The following KDM1B variants were observed in gnomAD, a reference collection of about 807,000 sequenced individuals.
KDM1B encodes lysine-specific histone demethylase 2.
Under a neutral mutation model 107.4 loss-of-function variants are expected in KDM1B, and 63 were observed. The observed-to-expected ratio is 0.59, with a 90% CI of 0.48 to 0.72. The LOEUF is 0.72. KDM1B is among the 30% of genes least tolerant of loss of function. The pLI is 0.00. For missense variants in KDM1B, 749 were observed against 1,020.8 expected, an observed-to-expected ratio of 0.73 and a Z score of 3.63; for synonymous variants, 363 against 363.9, an observed-to-expected ratio of 1.00 and a Z score of 0.03.
rs1463379877 is a variant in KDM1B, at chr6:18,191,183, G to A, written c.785-14G>A. On this transcript the variant is annotated splice_polypyrimidine_tract_variant and intron_variant, in intron 9 of 21. Coordinates refer to ENST00000650836, the MANE Select transcript of KDM1B (RefSeq NM_001364614.2). This position sits in a 1 kb window ranked among gnomAD's most constrained non-coding sequence, Gnocchi z 5.1. ...TACAGCTTGTAGGAGTTGCCCATTT[G>A]TGTTACCTATCAGTTCCAGGCATGA... 3.2e-6 allele frequency: 5 copies of A among 1,547,968 alleles called. No individual in the cohort carries two copies. The highest frequency in any genetic ancestry group is 1.4e-5 in the African/African-American group (1 of 72,938).
intron 3 of KDM1B, among the ~76,000 whole-genome samples, chr6:18,160,390 G>GA (rs1554140035): frequency 6.6e-6 from 1 of 152,066 alleles, no homozygotes; most frequent in Non-Finnish European, 1.5e-5. Context: ...TCTTTTAAAA[G>GA]AAAAAATTGA....
At chr6:18,173,510 A>G (rs1785798304) in intron 7 of KDM1B, among the ~76,000 whole-genome samples, 1 of 152,010 alleles carries the variant, frequency 6.6e-6, no homozygotes, top group South Asian at 2.1e-4. Context: ...TTTGAAGTGT[A>G]GTTTATTCAC....
intron 7 of KDM1B, among the ~76,000 whole-genome samples, chr6:18,174,017 C>G (rs1409147395): frequency 6.6e-6 from 1 of 152,190 alleles, no homozygotes; most frequent in East Asian, 1.9e-4. Context: ...GACTCCTGAC[C>G]TCGTGATCCA....
intron 4 of KDM1B, among the ~76,000 whole-genome samples, 170 bp downstream of exon 4, chr6:18,161,624 A>G (rs552598250): frequency 6.6e-6 from 1 of 152,158 alleles, no homozygotes; most frequent in African/African-American, 2.4e-5. Context: ...ACCCTCCTCA[A>G]GGCCCTCCCT....
At position 18,223,686 on chromosome 6, in the gene KDM1B, T is replaced by A. The variant is rs1434412313; in HGVS notation, c.*1694T>A. 1 of 152,224 alleles carries A rather than the reference T, an allele frequency of 6.6e-6. No homozygotes were observed. The highest frequency in any genetic ancestry group is 1.5e-5 in the Non-Finnish European group (1 of 68,034). The allele number at this position is 152,224 out of a possible 1,614,324, so 9.4% of individuals were successfully genotyped here. A position where few individuals can be genotyped will look rare whatever the true frequency, so the allele number is the denominator to read the frequency against. On this transcript the variant is annotated 3_prime_UTR_variant, in exon 22 of 22. Transcript: ENST00000650836. ...GACATACTTCATTTGATTTTTTGTT[T>A]AAGAAGCCATGGTACTTTTTTCTTG...
chr6:18,177,785 T>C (rs1786125344), intron 7 of KDM1B, among the ~76,000 whole-genome samples: 1 of 152,122 alleles, frequency 6.6e-6, no homozygotes, highest in South Asian at 2.1e-4. Flanking sequence ...ACACCTGTTT[T>C]GTAAATAAAG....
intron 20 of KDM1B, 71 bp from the exon 21 acceptor site, chr6:18,217,662 A>G (rs1413726187): frequency 6.1e-5 from 81 of 1,333,698 alleles, no homozygotes; most frequent in East Asian, 2.3e-4. Flanking sequence ...GACTACAGGC[A>G]TGAGTCACTG....
chr6:18,163,786 C>G (rs1377670605), intron 5 of KDM1B, among the ~76,000 whole-genome samples: 1 of 152,094 alleles, frequency 6.6e-6, no homozygotes, highest in African/African-American at 2.4e-5. Context: ...TGAGAATATA[C>G]TTTGTATGAT....
rs1227034690 is a variant in KDM1B, at chr6:18,187,777, T to C, written c.574-15T>C. On this transcript the variant is annotated splice_polypyrimidine_tract_variant and intron_variant, in intron 8 of 21. Coordinates refer to ENST00000650836, the MANE Select transcript of KDM1B (RefSeq NM_001364614.2). The stretch of plus-strand genomic sequence containing the variant: ...TCTGTCCTTGTCTCTCTTCTTCCTG[T>C]CTGGCCCATTGCAGAGAGTATTGGA... 6.7e-7 allele frequency: 1 copy of C among 1,502,166 alleles called. No individual in the cohort carries two copies. Among genetic ancestry groups the C allele is most frequent in the East Asian group, 2.5e-5 (1 of 40,690 alleles). 93.1% of individuals were successfully genotyped at this position (1,502,166 alleles called of 1,614,324 possible). A position where few individuals can be genotyped will look rare whatever the true frequency, so the allele number is the denominator to read the frequency against.
rs1029416311 is a variant in KDM1B, at chr6:18,197,407, T to G, written c.1146+174T>G. Among the ~76,000 whole-genome samples the G allele has an allele frequency of 3.3e-5, 5 of 152,142 alleles. No homozygotes were observed. The highest frequency in any genetic ancestry group is 9.7e-5 in the African/African-American group (4 of 41,448). ...GAATATCAAGCACTCTTTCCCCAGA[T>G]TGTAGGGAAAAAGGGAAGGGAGTAA... On this transcript the variant is annotated intron_variant, in intron 11 of 21. Transcript: ENST00000650836. The surrounding 1 kb of genome is among the most constrained non-coding windows in gnomAD (Gnocchi z 4.5).
intron 2 of KDM1B, among the ~76,000 whole-genome samples, chr6:18,156,133 G>A (rs1168684854): frequency 6.6e-6 from 1 of 152,196 alleles, no homozygotes. Flanking sequence ...GCACAGCCTT[G>A]CAGGTGTTGT....
intron 7 of KDM1B, among the ~76,000 whole-genome samples, chr6:18,175,082 G>T (rs1487480884): frequency 6.6e-6 from 1 of 152,138 alleles, no homozygotes; most frequent in Non-Finnish European, 1.5e-5. Context: ...CATAGTGGCT[G>T]TACTAGTTTA....
Position 18,189,219 on chromosome 6 carries a change from G to T in KDM1B, c.784+1217G>T, listed in dbSNP as rs749582965. Among the ~76,000 whole-genome samples the T allele has an allele frequency of 6.8e-4, 103 of 152,092 alleles. 3 individuals are homozygous for T. The highest frequency in any genetic ancestry group is 1.5e-4 in the Non-Finnish European group (10 of 68,034). On this transcript the variant is annotated intron_variant, in intron 9 of 21. Coordinates refer to ENST00000650836, the MANE Select transcript of KDM1B (RefSeq NM_001364614.2). ...TATGCAAATAGATTTTTGCACTGTG[G>T]TCCTATCTTAAGGTTTTGTTGTTGT...
At chr6:18,220,094 C>T (rs945416021) in intron 21 of KDM1B, among the ~76,000 whole-genome samples, 1 of 152,186 alleles carries the variant, frequency 6.6e-6, no homozygotes, top group African/African-American at 2.4e-5. Context: ...TCTAAGGATT[C>T]TCTGGGATGA....
chr6:18,203,570 G>A lies in KDM1B; in HGVS notation c.1531+1913G>A, dbSNP rs370743938. Among the ~76,000 whole-genome samples, 9 of 152,252 alleles carry A rather than the reference G, an allele frequency of 5.9e-5. No individual in the cohort carries two copies. Among genetic ancestry groups the A allele is most frequent in the Admixed American group, 3.9e-4 (6 of 15,304 alleles). On this transcript the variant is annotated intron_variant, in intron 14 of 21. Transcript: ENST00000650836. This position sits in a 1 kb window ranked among gnomAD's most constrained non-coding sequence, Gnocchi z 5.5. ...ATATTATTTACATAAAAATCACACT[G>A]TGCTGGGCGCGGTGGCTAACGCCTG...
At chr6:18,173,090 CAA>C (rs70974708) in intron 7 of KDM1B, among the ~76,000 whole-genome samples, 68 of 126,386 alleles carry the variant, frequency 5.4e-4, no homozygotes, top group Admixed American at 7.9e-4. Context: ...AACTCCATCT[CAA>C]AAAAAAAAAA....
intron 6 of KDM1B, among the ~76,000 whole-genome samples, chr6:18,170,240 C>T (rs947582679): frequency 1.3e-5 from 2 of 152,108 alleles, no homozygotes; most frequent in African/African-American, 2.4e-5. Flanking sequence ...TAAGATAGTA[C>T]AGAGAGTTTC....
chr6:18,215,046 G>A lies in KDM1B; in HGVS notation c.2149G>A (p.Ala717Thr). The stretch of plus-strand genomic sequence containing the variant: ...GCTGATGTCTGTGATTGCCGGGGAG[G>A]CTGTCGCATCCGTGAGGACCCTGGA... ...SVLMSVIAGE[A>T]VASVRTLDDK... The change falls in exon 20 of 22, where the codon GCT (alanine) becomes ACT (threonine). Residue 717 changes from alanine to threonine, a missense_variant. Transcript: ENST00000650836. 6.2e-7 allele frequency: 1 copy of A among 1,614,060 alleles called. No individual in the cohort carries two copies. The highest frequency in any genetic ancestry group is 8.5e-7 in the Non-Finnish European group (1 of 1,179,982).
At chr6:18,198,637 CAAAAAAAA>C (rs762849198) in intron 12 of KDM1B, among the ~76,000 whole-genome samples, 9 of 69,222 alleles carry the variant, frequency 1.3e-4, no homozygotes, top group Non-Finnish European at 2.2e-4. Flanking sequence ...GACTCCATCT[CAAAAAAAA>C]AAAAAAAAAA....
Sources: gnomAD v4.1 joint callset for allele counts (sites outside exome capture counted in the v4.1 genomes callset) on GRCh38, gnomAD v4.1.1 for gene constraint, Gnocchi (gnomAD v3.1) non-coding constraint, MANE v1.5 for transcripts, NCBI Gene and HGNC (gene_info 2026-07-23, HGNC 2026-07-21) for gene names.